Variants in SPACA1 observed in about 807,000 individuals in gnomAD.
SPACA1 encodes sperm acrosome associated 1.
A neutral mutation model predicts 32.6 loss-of-function variants in SPACA1; 17 were observed. That is an observed-to-expected ratio of 0.52 (90% CI 0.36 to 0.78). SPACA1 has a LOEUF of 0.78. Ranked by LOEUF, SPACA1 falls within the 30% of genes least tolerant of loss-of-function variation. The pLI, the probability that SPACA1 is intolerant of heterozygous loss-of-function variation, is 0.01. For missense variants in SPACA1, 363 were observed against 373.4 expected (o/e 0.97, Z 0.23); for synonymous variants, 140 against 138.1 (o/e 1.01, Z -0.10).
intron 1 of SPACA1, among the ~76,000 whole-genome samples, chr6:88,053,182 G>A (rs775859355): frequency 5.3e-5 from 8 of 152,184 alleles, no homozygotes; most frequent in Non-Finnish European, 8.8e-5. Flanking sequence ...TTGGACTCCA[G>A]TTCGATGTGT....
intron 1 of SPACA1, among the ~76,000 whole-genome samples, 175 bp from the exon 2 acceptor site, chr6:88,053,769 CTT>C (rs1279631355): frequency 1.3e-5 from 2 of 152,098 alleles, no homozygotes; most frequent in African/African-American, 4.8e-5. Flanking sequence ...GTTTGAGACT[CTT>C]TTGAGTTAGA....
intron 5 of SPACA1, among the ~76,000 whole-genome samples, chr6:88,061,965 A>G (rs1451961727): frequency 2.0e-5 from 3 of 152,184 alleles, no homozygotes; most frequent in Non-Finnish European, 4.4e-5. Flanking sequence ...TCTCTCAGCT[A>G]ACATTGCAGA....
chr6:88,047,167 A>G (rs1392123981), upstream of SPACA1, among the ~76,000 whole-genome samples: 1 of 152,194 alleles, frequency 6.6e-6, no homozygotes, highest in Non-Finnish European at 1.5e-5. Context: ...AATCATAAGA[A>G]TCACTGATCA....
At chr6:88,063,252 A>C (rs1160199871) in intron 5 of SPACA1, among the ~76,000 whole-genome samples, 1 of 152,172 alleles carries the variant, frequency 6.6e-6, no homozygotes, top group Non-Finnish European at 1.5e-5. Context: ...TCACAAAATG[A>C]CTTGTATAAG....
intron 5 of SPACA1, 102 bp downstream of exon 5, chr6:88,059,690 C>G (rs578209715): frequency 7.6e-6 from 9 of 1,182,744 alleles, no homozygotes; most frequent in Admixed American, 5.9e-5. Context: ...GCCCTCCCCC[C>G]AGAGTTTCTG....
chr6:88,058,963 G>A, intron 4 of SPACA1, 141 bp downstream of exon 4: 1 of 556,380 alleles, frequency 1.8e-6, no homozygotes, highest in Non-Finnish European at 3.0e-6. Flanking sequence ...TTATTATTTT[G>A]GAATTTTAAA....
rs147581368 is a variant in SPACA1 at position 88,051,834 on chromosome 6, A to G, written c.209-2112A>G. On this transcript the variant is annotated intron_variant, in intron 1 of 6. Coordinates refer to ENST00000237201, the MANE Select transcript of SPACA1 (RefSeq NM_030960.3). ...ATCAAATATATTTGCTATCCTTTCT[A>G]GCTTTGCAGAATTCTGGATTCAGTC... is the stretch of plus-strand genomic sequence containing the variant. Among the ~76,000 whole-genome samples the G allele has an allele frequency of 7.9e-5, 12 of 152,326 alleles. No individual in the cohort carries two copies. In the East Asian group the frequency reaches 2.3e-3, roughly 29 times the overall value.
At chr6:88,057,568 C>G (rs1201704429) in intron 2 of SPACA1, 44 bp from the exon 3 acceptor site, 8 of 1,345,580 alleles carry the variant, frequency 5.9e-6, no homozygotes, top group Non-Finnish European at 7.5e-6. Context: ...ACTCTGGAAT[C>G]AGTTTTTTTC....
At chr6:88,060,928 C>T (rs1775883931) in intron 5 of SPACA1, among the ~76,000 whole-genome samples, 1 of 152,172 alleles carries the variant, frequency 6.6e-6, no homozygotes, top group African/African-American at 2.4e-5. Flanking sequence ...AAGTTAACTT[C>T]TCTCTCTCAT....
Position 88,049,513 on chromosome 6 carries a change from T to C in SPACA1, c.208+1400T>C, listed in dbSNP as rs529577604. 7.2e-5 allele frequency among the ~76,000 whole-genome samples: 11 copies of C among 152,330 alleles called. No homozygotes were observed. The South Asian group carries it at 1.9e-3, about 26-fold the overall frequency. ...AAACTTTAAACAATCTGAGGTGTTA[T>C]AGGTCTGAAAATTTCCAGAACCATT... On this transcript the variant is annotated intron_variant, in intron 1 of 6. Coordinates refer to ENST00000237201, the MANE Select transcript of SPACA1 (RefSeq NM_030960.3).
rs527769079 is a variant in SPACA1, at chr6:88,051,001, G to A, written c.208+2888G>A. Among the ~76,000 whole-genome samples the A allele has an allele frequency of 5.1e-4, 77 of 152,192 alleles. 2 individuals carry two copies. In the South Asian group the frequency reaches 0.016, roughly 31 times the overall value. ...TCTCTACTAAAAATACAAAAAATTAGCCGGGCGTGGTTGCGTGTGCCTGTA... is the reference window on the plus strand; with the variant it reads ...TCTCTACTAAAAATACAAAAAATTAACCGGGCGTGGTTGCGTGTGCCTGTA... On this transcript the variant is annotated intron_variant, in intron 1 of 6. Transcript: ENST00000237201.
At position 88,061,192 on chromosome 6, in the gene SPACA1, G is replaced by A. The variant is rs180701210; in HGVS notation, c.610+1604G>A. Among the ~76,000 whole-genome samples, 211 of 152,254 alleles carry A rather than the reference G, an allele frequency of 1.4e-3. 1 individual carries two copies. The highest frequency in any genetic ancestry group is 2.4e-3 in the Non-Finnish European group (166 of 68,026). On this transcript the variant is annotated intron_variant, in intron 5 of 6. Transcript: ENST00000237201. Reference sequence around the variant, plus strand: ...TTTTAGGGTAAATATGGTTTCCCTAGTGAAAAATTCTCATCCATTCACTTA... The same window carrying A: ...TTTTAGGGTAAATATGGTTTCCCTAATGAAAAATTCTCATCCATTCACTTA...
chr6:88,048,893 G>A lies in SPACA1; in HGVS notation c.208+780G>A, dbSNP rs117664333. The stretch of plus-strand genomic sequence containing the variant: ...GTAGAAGGTCAGCAGCAGGTTTGCT[G>A]CCTTCTCAAGAAAGATTATTCCTTT... On this transcript the variant is annotated intron_variant, in intron 1 of 6. Transcript: ENST00000237201. 5.8e-3 allele frequency among the ~76,000 whole-genome samples: 876 copies of A among 152,282 alleles called. 3 individuals carry two copies. The highest frequency in any genetic ancestry group is 9.3e-3 in the Non-Finnish European group (633 of 68,028).
At chr6:88,058,936 T>C (rs1386282846) in intron 4 of SPACA1, 114 bp downstream of exon 4, 2 of 622,292 alleles carry the variant, frequency 3.2e-6, no homozygotes, top group African/African-American at 1.9e-5. Context: ...CAAAACGAAG[T>C]TAAGAATTAT....
Position 88,055,883 on chromosome 6 carries a change from AT to A in SPACA1, c.266-1727del, listed in dbSNP as rs1775799756. Reference sequence around the variant, plus strand: ...CTACTTGGGAGGCTAAGGCAGGAGAATTGCTTGAAGCCGGGAGGTGGAGGTT... The same window carrying A: ...CTACTTGGGAGGCTAAGGCAGGAGAATGCTTGAAGCCGGGAGGTGGAGGTT... On this transcript the variant is annotated intron_variant, in intron 2 of 6. Transcript: ENST00000237201. Among the ~76,000 whole-genome samples, 3 of 152,340 alleles carry A rather than the reference AT, an allele frequency of 2.0e-5. No homozygotes were observed. In the East Asian group the frequency reaches 5.8e-4, roughly 29 times the overall value.
At chr6:88,054,742 A>G (rs1261152736) in intron 2 of SPACA1, among the ~76,000 whole-genome samples, 3 of 152,132 alleles carry the variant, frequency 2.0e-5, no homozygotes, top group African/African-American at 7.2e-5. Flanking sequence ...GATCAGAATG[A>G]ATTTTGCAGG....
At chr6:88,050,165 C>T (rs1313769385) in intron 1 of SPACA1, among the ~76,000 whole-genome samples, 1 of 152,096 alleles carries the variant, frequency 6.6e-6, no homozygotes, top group African/African-American at 2.4e-5. Context: ...GGTGCATAAA[C>T]GTTATAAAAA....
intron 5 of SPACA1, among the ~76,000 whole-genome samples, chr6:88,061,954 C>T (rs1775904374): frequency 6.6e-6 from 1 of 152,190 alleles, no homozygotes; most frequent in Non-Finnish European, 1.5e-5. Context: ...ACTCTCCACC[C>T]TCTCTCAGCT....
Position 88,048,097 on chromosome 6 carries a change from G to T in SPACA1, c.192G>T (p.Pro64=), listed in dbSNP as rs754914513. ...GCGAGACCGCGGAGAACTACGCTCC[G>T]CCTGAAACCGAGGATGGTGAGGGCG... ...NDSETAENYA[P]PETEDVSNRN... is the part of the protein sequence containing the mutation. Residue 64 remains proline (P), a synonymous_variant, in exon 1 of 7, where the codon CCG becomes CCT. Transcript: ENST00000237201. 2.5e-6 allele frequency: 4 copies of T among 1,593,414 alleles called. No homozygotes were observed. The highest frequency in any genetic ancestry group is 2.7e-5 in the African/African-American group (2 of 74,960).
Sources: gnomAD v4.1 joint callset for allele counts (sites outside exome capture counted in the v4.1 genomes callset) on GRCh38, gnomAD v4.1.1 for gene constraint, MANE v1.5 for transcripts, NCBI Gene and HGNC (gene_info 2026-07-23, HGNC 2026-07-21) for gene names.